Variants in ADGRL3 observed in about 807,000 individuals in gnomAD.
ADGRL3 encodes the protein adhesion G protein-coupled receptor L3.
Under a neutral mutation model 153.5 loss-of-function variants are expected in ADGRL3, and 62 were observed. That is an observed-to-expected ratio of 0.40 (90% confidence interval 0.33 to 0.50). The LOEUF (loss-of-function observed/expected upper bound fraction) is 0.50. ADGRL3 is among the 20% of genes least tolerant of loss of function. The probability of loss-of-function intolerance (pLI) is 0.47; values close to 1 mark genes in which losing one functional copy is unlikely to be tolerated. For synonymous variants in ADGRL3, 710 were observed against 672.5 expected (o/e 1.06, Z -0.86); for missense variants, 1,641 against 1,859.4 (o/e 0.88, Z 2.16).
chr4:61,783,575 T>C (rs1347536590), intron 8 of ADGRL3, among the ~76,000 whole-genome samples: 1 of 152,046 alleles, frequency 6.6e-6, no homozygotes, highest in Non-Finnish European at 1.5e-5. Flanking sequence ...CTCAAAATTA[T>C]TTTATTTTAT....
chr4:61,219,684 T>C (rs1744474695), intron 1 of ADGRL3, among the ~76,000 whole-genome samples: 1 of 152,222 alleles, frequency 6.6e-6, no homozygotes, highest in Admixed American at 6.5e-5. Flanking sequence ...ATTAATAATG[T>C]AAATATTTTA....
rs746361998 is a variant in ADGRL3 at position 61,892,952 on chromosome 4, A to G, written c.1777A>G (p.Thr593Ala). 1.3e-6 allele frequency: 2 copies of G among 1,519,274 alleles called. No homozygotes were observed. The highest frequency in any genetic ancestry group is 2.3e-5 in the Admixed American group (1 of 43,226). The allele number at this position is 1,519,274 out of a possible 1,614,324, so 94.1% of individuals were successfully genotyped here. The change falls in exon 10 of 27, where the codon ACT (threonine) becomes GCT (alanine). Residue 593 changes from threonine (T) to alanine (A), a missense_variant. Thr to Ala is a moderately conservative substitution (Grantham distance 58, BLOSUM62 0). This residue lies in a region of ADGRL3 where 734 missense variants were observed against 797.0 expected (regional missense o/e 0.92). Transcript: ENST00000683033. ...AGCAAAGCAGCCATGCCCTGCAGGA[A>G]CTATAGGTAAGTCTGTGCTAAAGCA... ...QIAKQPCPAG[T>A]IGVSTYLCLA...
At chr4:61,365,187 A>G (rs894688823) in intron 1 of ADGRL3, among the ~76,000 whole-genome samples, 6 of 151,234 alleles carry the variant, frequency 4.0e-5, no homozygotes, top group African/African-American at 2.5e-5. Flanking sequence ...CTAAATAGGA[A>G]GATTTTAAAA....
At chr4:61,269,925 C>A (rs1409521555) in intron 1 of ADGRL3, among the ~76,000 whole-genome samples, 2 of 151,560 alleles carry the variant, frequency 1.3e-5, no homozygotes, top group Non-Finnish European at 3.0e-5. Context: ...AAACTTGAGA[C>A]CAAGAGAAAT....
intron 8 of ADGRL3, among the ~76,000 whole-genome samples, chr4:61,764,069 G>A (rs1023504492): frequency 1.1e-4 from 16 of 152,036 alleles, no homozygotes; most frequent in Admixed American, 5.2e-4. Flanking sequence ...GTATTTCCTG[G>A]GGTTTCAGGA....
intron 11 of ADGRL3, among the ~76,000 whole-genome samples, chr4:61,903,733 A>G (rs1660057638): frequency 6.7e-6 from 1 of 149,054 alleles, no homozygotes; most frequent in Admixed American, 6.8e-5. Context: ...ATTTTACTTT[A>G]AAAAGATACT....
chr4:61,742,928 C>T (rs931706731), intron 8 of ADGRL3, among the ~76,000 whole-genome samples: 2 of 151,750 alleles, frequency 1.3e-5, no homozygotes, highest in South Asian at 2.1e-4. Context: ...TTTATACTAG[C>T]GAAGATACAA....
intron 1 of ADGRL3, among the ~76,000 whole-genome samples, chr4:61,219,890 C>G (rs755108841): frequency 4.6e-5 from 7 of 152,016 alleles, no homozygotes; most frequent in African/African-American, 7.2e-5. Context: ...GGCTGATCAC[C>G]TGAGGTCAGG....
intron 2 of ADGRL3, among the ~76,000 whole-genome samples, chr4:61,435,254 G>GAA (rs1379884152): frequency 5.3e-5 from 8 of 152,010 alleles, no homozygotes; most frequent in Non-Finnish European, 1.0e-4. Flanking sequence ...AATTAAAAGT[G>GAA]AATAATTGAC....
chr4:62,055,033 T>C (rs564281127), intron 25 of ADGRL3, among the ~76,000 whole-genome samples: 1 of 151,778 alleles, frequency 6.6e-6, no homozygotes, highest in Admixed American at 6.6e-5. Flanking sequence ...TATAAACAGG[T>C]TTGACAGCAT....
chr4:61,725,822 GAGCA>G (rs1161629569), intron 6 of ADGRL3, among the ~76,000 whole-genome samples: 1 of 152,058 alleles, frequency 6.6e-6, no homozygotes, highest in Non-Finnish European at 1.5e-5. Context: ...TGTATGTTGT[GAGCA>G]TATGGTATTA....
intron 5 of ADGRL3, among the ~76,000 whole-genome samples, chr4:61,628,501 C>T (rs62304005): frequency 0.55 from 84,242 of 152,044 alleles, 26,694 homozygotes; most frequent in Non-Finnish European, 0.74. Flanking sequence ...TCACTGAGCT[C>T]ATTCAGCAAT....
At chr4:62,056,715 CTAATT>C (rs1185353951) in intron 25 of ADGRL3, among the ~76,000 whole-genome samples, 1 of 151,966 alleles carries the variant, frequency 6.6e-6, no homozygotes, top group East Asian at 1.9e-4. Context: ...ATGCAAAACT[CTAATT>C]TATATACGTT....
intron 5 of ADGRL3, among the ~76,000 whole-genome samples, chr4:61,610,434 C>T (rs544745482): frequency 4.6e-5 from 7 of 152,172 alleles, no homozygotes; most frequent in South Asian, 4.2e-4. Context: ...CTTCTTCTGT[C>T]GGGACTGATC....
intron 26 of ADGRL3, among the ~76,000 whole-genome samples, chr4:62,068,646 G>T (rs1296419331): frequency 6.6e-6 from 1 of 152,050 alleles, no homozygotes; most frequent in Non-Finnish European, 1.5e-5. Flanking sequence ...TATCATAGCA[G>T]CTTCTGCAAA....
At chr4:61,852,416 G>A (rs570747777) in intron 9 of ADGRL3, among the ~76,000 whole-genome samples, 1 of 152,208 alleles carries the variant, frequency 6.6e-6, no homozygotes, top group South Asian at 2.1e-4. Context: ...CTGGGCTCAA[G>A]CCATTCTCGT....
chr4:61,808,089 G>C (rs2097570682), intron 8 of ADGRL3, among the ~76,000 whole-genome samples: 1 of 152,026 alleles, frequency 6.6e-6, no homozygotes, highest in African/African-American at 2.4e-5. Context: ...GCTTTCTCCA[G>C]GTACTGATTG....
At position 61,606,378 on chromosome 4, in the gene ADGRL3, A is replaced by C. The variant is rs190425704; in HGVS notation, c.473+18938A>C. ...TAAGGCTGCCATAACAAAATACCAG[A>C]GATTGGGTGGCTTGAATATCAGAAA... On this transcript the variant is annotated intron_variant, in intron 5 of 26. Transcript: ENST00000683033. 9.2e-5 allele frequency among the ~76,000 whole-genome samples: 14 copies of C among 152,322 alleles called. No individual in the cohort carries two copies. In the East Asian group the frequency reaches 2.7e-3, roughly 29 times the overall value.
intron 9 of ADGRL3, among the ~76,000 whole-genome samples, chr4:61,884,107 G>T (rs2098523649): frequency 6.6e-6 from 1 of 152,106 alleles, no homozygotes; most frequent in African/African-American, 2.4e-5. Context: ...CATGATAGTT[G>T]ATTAATAAAT....
Sources: allele counts gnomAD v4.1 joint callset (sites outside exome capture counted in the v4.1 genomes callset), GRCh38; gene constraint gnomAD v4.1.1; regional missense constraint gnomAD v4.1.1; transcripts MANE v1.5; gene names NCBI Gene and HGNC (gene_info 2026-07-23, HGNC 2026-07-21).